Variants in STIP1 observed in about 807,000 individuals in gnomAD.
STIP1 encodes the protein stress-induced-phosphoprotein 1.
A neutral mutation model predicts 77.4 loss-of-function variants in STIP1; 16 were observed. That is an observed-to-expected ratio of 0.21 (90% CI 0.14 to 0.31). The LOEUF is 0.31. STIP1 is among the 10% of genes least tolerant of loss of function. The pLI, the probability that STIP1 is intolerant of heterozygous loss-of-function variation, is 1.00. For synonymous variants in STIP1, 258 were observed against 246.6 expected, an observed-to-expected ratio of 1.05 and a Z score of -0.44; for missense variants, 524 against 684.8, an observed-to-expected ratio of 0.77 and a Z score of 2.62.
chr11:64,190,161 C>T (rs1031026918), intron 1 of STIP1, among the ~76,000 whole-genome samples: 6 of 151,938 alleles, frequency 3.9e-5, no homozygotes, highest in Admixed American at 2.6e-4. Flanking sequence ...CCACCACATC[C>T]GGGCAATTTA....
chr11:64,186,321 GTGGCCAGGCCGCGGTA>G, intron 1 of STIP1, 51 bp downstream of exon 1: 1 of 1,476,194 alleles, frequency 6.8e-7, no homozygotes, highest in Non-Finnish European at 9.0e-7. Flanking sequence ...GGGACCGGCG[GTGGCCAGGCCGCGGTA>G]GGGGGGCGGG....
chr11:64,198,297 C>T (rs1005959475), intron 8 of STIP1, among the ~76,000 whole-genome samples: 2 of 152,028 alleles, frequency 1.3e-5, no homozygotes, highest in East Asian at 1.9e-4. Flanking sequence ...ACTGCAACCT[C>T]CGCCTCCCAG....
At chr11:64,189,857 G>A (rs1335596385) in intron 1 of STIP1, among the ~76,000 whole-genome samples, 2 of 152,080 alleles carry the variant, frequency 1.3e-5, no homozygotes, top group Non-Finnish European at 2.9e-5. Context: ...TTAACTCTTC[G>A]TCTTCTGGCC....
At chr11:64,186,812 A>G (rs1192858928) in intron 1 of STIP1, among the ~76,000 whole-genome samples, 1 of 152,158 alleles carries the variant, frequency 6.6e-6, no homozygotes, top group African/African-American at 2.4e-5. Context: ...GTTGGGGCAA[A>G]TGTTACTCTT....
chr11:64,199,536 C>T lies in STIP1; in HGVS notation c.1024-404C>T, dbSNP rs553211351. Among the ~76,000 whole-genome samples the T allele has an allele frequency of 2.8e-5, 4 of 141,448 alleles. No homozygotes were observed. The East Asian group carries it at 8.2e-4, about 29-fold the overall frequency. 92.8% of individuals were successfully genotyped at this position (141,448 alleles called of 152,430 possible). The stretch of plus-strand genomic sequence containing the variant: ...AAAAAAAAGAAAAAAATCTTGCCAG[C>T]AATACTCTGAAAATTAAAATCCTAA... On this transcript the variant is annotated intron_variant, in intron 8 of 13. Transcript: ENST00000305218.
At chr11:64,203,390 G>C in intron 12 of STIP1, 60 bp from the exon 13 acceptor site, 1 of 1,606,662 alleles carries the variant, frequency 6.2e-7, no homozygotes, top group South Asian at 1.1e-5. Context: ...TCTTGGACCT[G>C]CTGAAGCAGT....
chr11:64,191,633 C>T (rs1164233369), intron 1 of STIP1, among the ~76,000 whole-genome samples: 1 of 152,072 alleles, frequency 6.6e-6, no homozygotes, highest in Non-Finnish European at 1.5e-5. Flanking sequence ...ATACAATGAG[C>T]TTCTCAAGGG....
intron 2 of STIP1, 125 bp downstream of exon 2, chr11:64,193,412 C>T: frequency 1.2e-6 from 1 of 821,304 alleles, no homozygotes; most frequent in Non-Finnish European, 2.0e-6. Flanking sequence ...TTTGAGTATC[C>T]TCCTCAGAAA....
Position 64,204,275 on chromosome 11 carries a change from G to T in STIP1, c.*149G>T. The T allele has an allele frequency of 5.2e-6, 4 of 763,026 alleles. No homozygotes were observed. The highest frequency in any genetic ancestry group is 8.3e-6 in the Non-Finnish European group (4 of 482,964). The allele number at this position is 763,026 out of a possible 1,614,324, so 47.3% of individuals were successfully genotyped here. A position where few individuals can be genotyped will look rare whatever the true frequency, so the allele number is the denominator to read the frequency against. ...AACCCCGGGGAAGACACAGAGACTC[G>T]TACCTGCGCTGTTTGTGCCGCCGCT... On this transcript the variant is annotated 3_prime_UTR_variant, in exon 14 of 14. Coordinates refer to ENST00000305218, the MANE Select transcript of STIP1 (RefSeq NM_006819.3).
intron 8 of STIP1, among the ~76,000 whole-genome samples, chr11:64,199,336 C>G (rs773744789): frequency 6.6e-6 from 1 of 150,768 alleles, no homozygotes; most frequent in Non-Finnish European, 1.5e-5. Context: ...AACTCTGTCT[C>G]TACTAAATAA....
At chr11:64,186,470 G>A in intron 1 of STIP1, 200 bp downstream of exon 1, 3 of 497,504 alleles carry the variant, frequency 6.0e-6, no homozygotes, top group Non-Finnish European at 9.0e-6. Context: ...CGCGGGGAGC[G>A]CCCATCGCCC....
At chr11:64,198,753 G>GTTTTTTTTTTTTTTTTTTTTTTTTGTTT (rs371481270) in intron 8 of STIP1, among the ~76,000 whole-genome samples, 3 of 111,024 alleles carry the variant, frequency 2.7e-5, no homozygotes, top group Non-Finnish European at 5.3e-5. Context: ...TTTTTTTGTG[G>GTTTTTTTTTTTTTTTTTTTTTTTTGTTT]TTTTTTTTTT....
chr11:64,187,630 G>C (rs745673459), intron 1 of STIP1, among the ~76,000 whole-genome samples: 29 of 152,186 alleles, frequency 1.9e-4, no homozygotes, highest in Non-Finnish European at 3.1e-4. Flanking sequence ...TAATATTTCA[G>C]TTGTATCTAG....
chr11:64,193,502 G>C, intron 2 of STIP1: 1 of 563,278 alleles, frequency 1.8e-6, no homozygotes, highest in African/African-American at 1.9e-5. Flanking sequence ...AAGAGGCCAG[G>C]GCTGGGCGCG....
At position 64,200,206 on chromosome 11, in the gene STIP1, C is replaced by T. The variant is rs1378015845; in HGVS notation, c.1158C>T (p.Ala386=). The T allele has an allele frequency of 3.1e-5, 50 of 1,614,086 alleles. No homozygotes were observed. Among genetic ancestry groups the T allele is most frequent in the Non-Finnish European group, 4.2e-5 (50 of 1,180,004 alleles). ...YPQAMKHYTE[A]IKRNPKDAKL... is the part of the protein sequence containing the mutation. ...AGGCCATGAAGCATTATACAGAAGCCATCAAAAGGAACCCGAAAGATGCCA... is the reference window on the plus strand; with the variant it reads ...AGGCCATGAAGCATTATACAGAAGCTATCAAAAGGAACCCGAAAGATGCCA... Residue 386 remains alanine, a synonymous_variant, in exon 10 of 14, where the codon GCC becomes GCT. Transcript: ENST00000305218.
chr11:64,199,506 CAAA>C (rs148843567), intron 8 of STIP1, among the ~76,000 whole-genome samples: 2 of 100,550 alleles, frequency 2.0e-5, no homozygotes, highest in East Asian at 3.0e-4. Flanking sequence ...GACTCTATCT[CAAA>C]AAAAAAAAAG....
Position 64,199,925 on chromosome 11 carries a change from A to G in STIP1, c.1024-15A>G. On this transcript the variant is annotated splice_polypyrimidine_tract_variant and intron_variant, in intron 8 of 13. Coordinates refer to ENST00000305218, the MANE Select transcript of STIP1 (RefSeq NM_006819.3). Reference sequence around the variant, plus strand: ...TGAGCGTTTAAATTATTATTTCAAGAATTATGTTTTGTAGGCAGAGAAAAT... The same window carrying G: ...TGAGCGTTTAAATTATTATTTCAAGGATTATGTTTTGTAGGCAGAGAAAAT... 1 of 1,613,808 alleles carries G rather than the reference A, an allele frequency of 6.2e-7. No homozygotes were observed. Among genetic ancestry groups the G allele is most frequent in the Non-Finnish European group, 8.5e-7 (1 of 1,179,894 alleles).
chr11:64,200,411 C>G, intron 10 of STIP1, 118 bp downstream of exon 10: 1 of 1,465,774 alleles, frequency 6.8e-7, no homozygotes, highest in Non-Finnish European at 9.2e-7. Context: ...GACAGTGTCT[C>G]ACTCTGTCCT....
At chr11:64,202,792 A>G (rs1946233927) in intron 10 of STIP1, 84 bp from the exon 11 acceptor site, 3 of 1,483,566 alleles carry the variant, frequency 2.0e-6, no homozygotes, top group Non-Finnish European at 2.8e-6. Context: ...GAGGCATTAG[A>G]GTTGGAAGTC....
Sources: gnomAD v4.1 joint callset for allele counts (sites outside exome capture counted in the v4.1 genomes callset) on GRCh38, gnomAD v4.1.1 for gene constraint, MANE v1.5 for transcripts, NCBI Gene and HGNC (gene_info 2026-07-23, HGNC 2026-07-21) for gene names.